The following NIPSNAP3B variants were observed in gnomAD, a reference collection of about 807,000 sequenced individuals.
NIPSNAP3B encodes nipsnap homolog 3B, also known as protein NipSnap homolog 3B.
Under a neutral mutation model 31.5 loss-of-function variants are expected in NIPSNAP3B, and 30 were observed. The ratio of observed to expected loss-of-function variants is 0.95; its 90% confidence interval spans 0.71 to 1.29. The LOEUF (loss-of-function observed/expected upper bound fraction) is 1.29, where lower values mean the gene tolerates loss of function less well. NIPSNAP3B is among the 50% of genes most tolerant of loss of function. The probability of loss-of-function intolerance (pLI) is 0.00; values close to 1 mark genes in which losing one functional copy is unlikely to be tolerated. For synonymous variants in NIPSNAP3B, 106 were observed against 107.9 expected (o/e 0.98, Z 0.11); for missense variants, 269 against 300.7 (o/e 0.89, Z 0.78).
chr9:104,788,201 A>G, the NIPSNAP3B span: 1 of 1,170,046 alleles, frequency 8.5e-7, no homozygotes, highest in Non-Finnish European at 1.3e-6. Flanking sequence ...CAAAGCAGGG[A>G]GAAGGGACTC....
Position 104,764,187 on chromosome 9 carries a change from A to G in NIPSNAP3B, c.-54A>G. 1 of 1,509,746 alleles carries G rather than the reference A, an allele frequency of 6.6e-7. No homozygotes were observed. Among genetic ancestry groups the G allele is most frequent in the Non-Finnish European group, 9.1e-7 (1 of 1,104,954 alleles). 93.5% of individuals were successfully genotyped at this position (1,509,746 alleles called of 1,614,324 possible). ...TTTTTTCCACTCGGGAAGACTTCAG[A>G]GAAGTCTCACAAAGGACTCGGCTGG... On this transcript the variant is annotated 5_prime_UTR_variant, in exon 1 of 6. Transcript: ENST00000374762.
chr9:104,769,076 A>G (rs1246071891), intron 3 of NIPSNAP3B, 55 bp downstream of exon 3: 1 of 1,347,252 alleles, frequency 7.4e-7, no homozygotes, highest in Non-Finnish European at 1.0e-6. Context: ...CTAAAGACCT[A>G]AAGTTATAAA....
the NIPSNAP3B span, chr9:104,785,464 T>G: frequency 2.7e-5 from 43 of 1,613,398 alleles, no homozygotes; most frequent in South Asian, 4.4e-4. Context: ...TGGGAGAGGA[T>G]GCTGAATATC....
At chr9:104,790,318 T>A in the NIPSNAP3B span, among the ~76,000 whole-genome samples, 2 of 152,236 alleles carry the variant, frequency 1.3e-5, no homozygotes, top group African/African-American at 4.8e-5. Context: ...AAAAGATGTA[T>A]ACAGGGACAT....
At chr9:104,770,737 A>G in intron 3 of NIPSNAP3B, 112 bp from the exon 4 acceptor site, 1 of 841,404 alleles carries the variant, frequency 1.2e-6, no homozygotes. Flanking sequence ...ATGTATGTAT[A>G]CATGGATTAT....
rs141665560 is a variant in NIPSNAP3B, at chr9:104,766,374, A to T, written c.110A>T (p.Tyr37Phe). The T allele has an allele frequency of 1.1e-3, 1,848 of 1,613,778 alleles. 15 individuals carry two copies. The African/African-American group carries it at 0.022, about 19-fold the overall frequency. The part of the protein sequence containing the change: ...TGPRQYDGTF[Y>F]EFRTYYLKPS... The stretch of plus-strand genomic sequence containing the variant: ...CCTAGACAATACGATGGAACGTTCT[A>T]TGAATTTCGTACTTATTACCTTAAA... The change falls in exon 2 of 6, where the codon TAT (tyrosine) becomes TTT (phenylalanine). Residue 37 changes from tyrosine to phenylalanine, a missense_variant. By Grantham distance (22) the Tyr-to-Phe change is conservative. Coordinates refer to ENST00000374762, the MANE Select transcript of NIPSNAP3B (RefSeq NM_018376.4).
the NIPSNAP3B span, chr9:104,783,116 T>G: frequency 6.6e-6 from 1 of 152,308 alleles, no homozygotes; most frequent in Non-Finnish European, 1.5e-5. Context: ...GACCATCACA[T>G]TGCTTTCTAG....
At chr9:104,772,407 A>G (rs1401098867) in intron 4 of NIPSNAP3B, among the ~76,000 whole-genome samples, 2 of 151,872 alleles carry the variant, frequency 1.3e-5, no homozygotes, top group African/African-American at 4.8e-5. Flanking sequence ...TGGTTTACTA[A>G]TTTTTTTTAA....
In NIPSNAP3B at chr9:104,768,957, T is replaced by TA; in HGVS notation, c.369dup (p.Gln124ThrfsTer24). On this transcript the variant is annotated frameshift_variant, in exon 3 of 6. Transcript: ENST00000374762. LOFTEE classifies it high-confidence loss of function. ...TCATTCCAAATTTGGCTCGCATTGA[T>TA]AAACAAGAGACGGAAATTACTTACC... The TA allele has an allele frequency of 6.2e-7, 1 of 1,614,010 alleles. No individual in the cohort carries two copies. The highest frequency in any genetic ancestry group is 8.5e-7 in the Non-Finnish European group (1 of 1,179,942).
Position 104,775,641 on chromosome 9 carries a change from T to C in NIPSNAP3B, c.*2568T>C, listed in dbSNP as rs1410621614. Among the ~76,000 whole-genome samples, 1 of 152,218 alleles carries C rather than the reference T, an allele frequency of 6.6e-6. No individual in the cohort carries two copies. The highest frequency in any genetic ancestry group is 1.5e-5 in the Non-Finnish European group (1 of 68,036). Reference sequence around the variant, plus strand: ...TTTTTCAAATTCACACATGTGAATTTGAATTCCAGGCTCATCACATCCAGG... The same window carrying C: ...TTTTTCAAATTCACACATGTGAATTCGAATTCCAGGCTCATCACATCCAGG... On this transcript the variant is annotated 3_prime_UTR_variant, in exon 6 of 6. Coordinates refer to ENST00000374762, the MANE Select transcript of NIPSNAP3B (RefSeq NM_018376.4).
At chr9:104,788,285 A>G in the NIPSNAP3B span, 1 of 1,308,844 alleles carries the variant, frequency 7.6e-7, no homozygotes, top group Non-Finnish European at 1.1e-6. Context: ...CCACCCTGAA[A>G]GCAGATACAA....
chr9:104,785,475 C>T, the NIPSNAP3B span: 1 of 1,613,432 alleles, frequency 6.2e-7, no homozygotes. Context: ...GCTGAATATC[C>T]TGGCCAGAGA....
rs975972596 is a variant in NIPSNAP3B at position 104,775,401 on chromosome 9, A to AAC, written c.*2329_*2330insCA. ...CAGTTGACCTCTCCTTTCTTCTGGG[A>AAC]AGTTTCTTCGTTTCTCCGAAACACT... On this transcript the variant is annotated 3_prime_UTR_variant, in exon 6 of 6. Coordinates refer to ENST00000374762, the MANE Select transcript of NIPSNAP3B (RefSeq NM_018376.4). 1.7e-4 allele frequency among the ~76,000 whole-genome samples: 26 copies of AAC among 152,194 alleles called. 1 individual carries two copies. Among genetic ancestry groups the AAC allele is most frequent in the South Asian group, 1.7e-3 (8 of 4,820 alleles).
chr9:104,764,736 C>CG (rs1450023619), intron 1 of NIPSNAP3B, among the ~76,000 whole-genome samples: 1 of 151,880 alleles, frequency 6.6e-6, no homozygotes, highest in Non-Finnish European at 1.5e-5. Flanking sequence ...TTAGTAGAGT[C>CG]GGGGGTTTCA....
chr9:104,782,460 A>G (rs1564067081), downstream of NIPSNAP3B: 1 of 152,196 alleles, frequency 6.6e-6, no homozygotes, highest in Non-Finnish European at 1.5e-5. Context: ...TTGAAAGATC[A>G]CTTGAACTTC....
chr9:104,779,570 AAATG>A (rs148649787), downstream of NIPSNAP3B, among the ~76,000 whole-genome samples: 66 of 151,886 alleles, frequency 4.3e-4, no homozygotes, highest in African/African-American at 1.5e-3. Flanking sequence ...GTTGAGAATT[AAATG>A]AAGTGCATGA....
chr9:104,782,364 A>G (rs1050319048), downstream of NIPSNAP3B: 1 of 152,134 alleles, frequency 6.6e-6, no homozygotes, highest in African/African-American at 2.4e-5. Flanking sequence ...TAAAAAATAT[A>G]GAAAGATTAA....
chr9:104,773,233 C>A lies in NIPSNAP3B; in HGVS notation c.*160C>A, dbSNP rs192246389. The A allele has an allele frequency of 7.6e-6, 5 of 659,914 alleles. No homozygotes were observed. Among genetic ancestry groups the A allele is most frequent in the Admixed American group, 2.8e-5 (1 of 35,686 alleles). The allele number at this position is 659,914 out of a possible 1,614,324, so 40.9% of individuals were successfully genotyped here. On this transcript the variant is annotated 3_prime_UTR_variant, in exon 6 of 6. Coordinates refer to ENST00000374762, the MANE Select transcript of NIPSNAP3B (RefSeq NM_018376.4). ...TGCATTTTTGAAAGTTACATATTCT[C>A]CACTGCTTTAAGAAATAATTCAGTT...
At chr9:104,778,831 C>G (rs1018066764), downstream of NIPSNAP3B, among the ~76,000 whole-genome samples, 2 of 152,164 alleles carry the variant, frequency 1.3e-5, no homozygotes, top group Admixed American at 1.3e-4. Context: ...CTTTCTGAAA[C>G]AGTAGGTCAC....
Sources: allele counts gnomAD v4.1 joint callset (sites outside exome capture counted in the v4.1 genomes callset), GRCh38; gene constraint gnomAD v4.1.1; transcripts MANE v1.5; gene names NCBI Gene and HGNC (gene_info 2026-07-23, HGNC 2026-07-21).